The following ALK variants were observed in gnomAD, a reference collection of about 807,000 sequenced individuals.
ALK encodes ALK receptor tyrosine kinase, also known as ALK tyrosine kinase receptor.
ALK carries 74 observed loss-of-function variants against 163.1 expected under a neutral mutation model. That is an observed-to-expected ratio of 0.45 (90% confidence interval 0.38 to 0.55). ALK has a LOEUF of 0.55. ALK is among the 20% of genes least tolerant of loss of function. ALK has a pLI of 0.00. For synonymous variants in ALK, 960 were observed against 843.2 expected (o/e 1.14, Z -2.40); for missense variants, 2,063 against 2,105.3 (o/e 0.98, Z 0.39).
At chr2:29,615,099 T>C (rs1675803785) in intron 3 of ALK, among the ~76,000 whole-genome samples, 3 of 152,190 alleles carry the variant, frequency 2.0e-5, no homozygotes, top group Admixed American at 2.0e-4. Context: ...GCCTGCAGGC[T>C]TGAGCCACCG....
chr2:29,781,146 C>G (rs1681320915), intron 1 of ALK, among the ~76,000 whole-genome samples: 1 of 152,190 alleles, frequency 6.6e-6, no homozygotes, highest in Non-Finnish European at 1.5e-5. Context: ...AACTTACACA[C>G]AAATATTTAA....
chr2:29,815,663 T>C (rs556886031), intron 1 of ALK, among the ~76,000 whole-genome samples: 110 of 152,286 alleles, frequency 7.2e-4, no homozygotes, highest in Middle Eastern at 3.4e-3. Flanking sequence ...AGTGACATTA[T>C]TAATTAATGA....
At chr2:29,819,196 C>A (rs1664977270) in intron 1 of ALK, among the ~76,000 whole-genome samples, 1 of 152,226 alleles carries the variant, frequency 6.6e-6, no homozygotes, top group African/African-American at 2.4e-5. Context: ...ATCCCCCAGA[C>A]TCCGGGAGAT....
intron 3 of ALK, among the ~76,000 whole-genome samples, chr2:29,628,957 C>T (rs1441376387): frequency 6.6e-6 from 1 of 152,186 alleles, no homozygotes; most frequent in Admixed American, 6.5e-5. Context: ...GTCATTCTTT[C>T]TAAAGTAGAG....
At chr2:29,297,963 T>C (rs570851480) in intron 8 of ALK, among the ~76,000 whole-genome samples, 1 of 152,298 alleles carries the variant, frequency 6.6e-6, no homozygotes, top group East Asian at 1.9e-4. Flanking sequence ...AACTGGCAGT[T>C]TCGTCAGAGT....
At chr2:29,915,449 A>C (rs904115653) in intron 1 of ALK, among the ~76,000 whole-genome samples, 1 of 151,988 alleles carries the variant, frequency 6.6e-6, no homozygotes, top group African/African-American at 2.4e-5. Context: ...CGAACTCCTG[A>C]CCTCAAGTGA....
chr2:29,214,554 T>A (rs1181343057), intron 23 of ALK, among the ~76,000 whole-genome samples: 1 of 152,182 alleles, frequency 6.6e-6, no homozygotes, highest in Non-Finnish European at 1.5e-5. Flanking sequence ...TAAAACTAAT[T>A]TTCTTCAAGC....
At chr2:29,501,265 G>T (rs1672166742) in intron 4 of ALK, among the ~76,000 whole-genome samples, 1 of 152,132 alleles carries the variant, frequency 6.6e-6, no homozygotes, top group African/African-American at 2.4e-5. Flanking sequence ...GAATGTCAAT[G>T]TCTTATTCCT....
chr2:29,447,440 C>T (rs1670713987), intron 4 of ALK, among the ~76,000 whole-genome samples: 1 of 151,976 alleles, frequency 6.6e-6, no homozygotes, highest in African/African-American at 2.4e-5. Flanking sequence ...TTGAGCAGCA[C>T]AGCAAGGAGT....
intron 3 of ALK, 151 bp downstream of exon 3, chr2:29,694,699 C>T: frequency 9.7e-7 from 1 of 1,026,798 alleles, no homozygotes; most frequent in South Asian, 1.3e-5. Flanking sequence ...CCTTGCATGG[C>T]CCAAGAAGCC....
intron 4 of ALK, among the ~76,000 whole-genome samples, chr2:29,494,406 G>A (rs1020040243): frequency 7.2e-5 from 11 of 152,206 alleles, no homozygotes; most frequent in African/African-American, 2.4e-4. Flanking sequence ...CAGAGAGCTT[G>A]GTGAATGAGG....
intron 3 of ALK, among the ~76,000 whole-genome samples, chr2:29,532,512 T>G (rs907477300): frequency 6.6e-6 from 1 of 152,250 alleles, no homozygotes; most frequent in African/African-American, 2.4e-5. Flanking sequence ...TAGGTTTCAG[T>G]TTCCTCCCTT....
intron 4 of ALK, among the ~76,000 whole-genome samples, chr2:29,472,791 A>G (rs1671379374): frequency 2.6e-5 from 4 of 152,204 alleles, no homozygotes; most frequent in Admixed American, 2.6e-4. Context: ...AAGTCACAAA[A>G]GAGTAAGTTT....
intron 3 of ALK, among the ~76,000 whole-genome samples, chr2:29,565,420 A>G (rs1558386805): frequency 6.6e-6 from 1 of 152,188 alleles, no homozygotes; most frequent in Non-Finnish European, 1.5e-5. Flanking sequence ...AAGGAAGCTC[A>G]CAGTTATTGA....
chr2:29,598,062 C>T (rs1675264754), intron 3 of ALK, among the ~76,000 whole-genome samples: 2 of 152,204 alleles, frequency 1.3e-5, no homozygotes, highest in African/African-American at 2.4e-5. Flanking sequence ...GAGTATCACT[C>T]GGTCACCCAG....
intron 1 of ALK, among the ~76,000 whole-genome samples, chr2:29,819,025 G>A (rs771426826): frequency 2.0e-5 from 3 of 152,152 alleles, no homozygotes; most frequent in Non-Finnish European, 4.4e-5. Context: ...ACTGCCCCCA[G>A]GAAAAGAAAT....
intron 1 of ALK, among the ~76,000 whole-genome samples, chr2:29,793,484 G>T (rs540092980): frequency 1.3e-5 from 2 of 152,248 alleles, no homozygotes; most frequent in African/African-American, 4.8e-5. Context: ...TTTCCAGAAG[G>T]TTTTCAACTT....
At chr2:29,207,371 C>G (rs2148152524) in intron 25 of ALK, 99 bp from the exon 26 acceptor site, 2 of 890,454 alleles carry the variant, frequency 2.2e-6, no homozygotes. Flanking sequence ...TATAGTCTAC[C>G]CATTAAAGGT....
intron 4 of ALK, among the ~76,000 whole-genome samples, chr2:29,449,506 C>T (rs1670770262): frequency 6.6e-6 from 1 of 152,172 alleles, no homozygotes; most frequent in Non-Finnish European, 1.5e-5. Flanking sequence ...GTTGGGGCCT[C>T]CATTAATGTG....
Sources: allele counts gnomAD v4.1 joint callset (sites outside exome capture counted in the v4.1 genomes callset), GRCh38; gene constraint gnomAD v4.1.1; transcripts MANE v1.5; gene names NCBI Gene and HGNC (gene_info 2026-07-23, HGNC 2026-07-21).